MCC: variants seen among roughly 807,000 people sequenced by gnomAD.
The protein encoded by MCC is colorectal mutant cancer protein.
Under a neutral mutation model 116.2 loss-of-function variants are expected in MCC, and 90 were observed. The observed-to-expected ratio is 0.77, with a 90% CI of 0.65 to 0.92. MCC has a LOEUF of 0.92. Ranked by LOEUF, MCC falls within the 40% of genes least tolerant of loss-of-function variation. The pLI, the probability that MCC is intolerant of heterozygous loss-of-function variation, is 0.00. For synonymous variants in MCC, 578 were observed against 510.5 expected (o/e 1.13, Z -1.78); for missense variants, 1,516 against 1,312.2 (o/e 1.16, Z -2.40).
chr5:113,098,797 C>G (rs1471855820), intron 8 of MCC, among the ~76,000 whole-genome samples: 1 of 151,790 alleles, frequency 6.6e-6, no homozygotes, highest in Non-Finnish European at 1.5e-5. Context: ...TGAATGTGGG[C>G]AAAGAAAAAA....
chr5:113,175,626 G>A (rs1016552790), intron 3 of MCC, among the ~76,000 whole-genome samples: 9 of 152,028 alleles, frequency 5.9e-5, no homozygotes, highest in African/African-American at 2.2e-4. Flanking sequence ...AGCCTTGTTT[G>A]ACTTTCTCAG....
chr5:113,388,997 CA>C (rs1015486406), intron 1 of MCC, among the ~76,000 whole-genome samples: 1 of 152,114 alleles, frequency 6.6e-6, no homozygotes, highest in Non-Finnish European at 1.5e-5. Context: ...GCTTGATTAT[CA>C]AAGGTCATGA....
chr5:113,151,234 CT>C, intron 4 of MCC, 74 bp downstream of exon 4: 1 of 859,614 alleles, frequency 1.2e-6, no homozygotes, highest in South Asian at 1.7e-5. Context: ...AATTTCTGTA[CT>C]CATGTTTTAT....
intron 1 of MCC, among the ~76,000 whole-genome samples, chr5:113,484,962 C>T (rs1772476504): frequency 6.6e-6 from 1 of 152,172 alleles, no homozygotes; most frequent in Non-Finnish European, 1.5e-5. Context: ...TGCCCAAATC[C>T]AGCGGGGTCC....
In MCC at chr5:113,064,167, C is replaced by CCTATGTGG; in HGVS notation, c.2030-8_2030-1dup (p.Gly677AlafsTer3). ...GATGTTTTCATCCCCCGACTGGTCTCCTATGTGGCAGAGAAGCCAACGGAT... is the reference window on the plus strand; with the variant it reads ...GATGTTTTCATCCCCCGACTGGTCTCCTATGTGGCTATGTGGCAGAGAAGCCAACGGAT... On this transcript the variant is annotated stop_gained and frameshift_variant and splice_region_variant. Transcript: ENST00000408903. LOFTEE classifies it high-confidence loss of function. 6.2e-7 allele frequency: 1 copy of CCTATGTGG among 1,606,454 alleles called. No homozygotes were observed. Among genetic ancestry groups the CCTATGTGG allele is most frequent in the South Asian group, 1.1e-5 (1 of 90,156 alleles).
intron 1 of MCC, among the ~76,000 whole-genome samples, chr5:113,460,680 A>G (rs1045747143): frequency 3.3e-5 from 5 of 152,204 alleles, no homozygotes; most frequent in Non-Finnish European, 7.3e-5. Flanking sequence ...CATCATATTG[A>G]AGACCTGGCT....
At chr5:113,430,447 C>T (rs1191528589) in intron 1 of MCC, among the ~76,000 whole-genome samples, 2 of 152,164 alleles carry the variant, frequency 1.3e-5, no homozygotes, top group African/African-American at 4.8e-5. Context: ...CCTCTATTCT[C>T]TCTGCAACAA....
chr5:113,108,850 C>A (rs897269122), intron 6 of MCC, among the ~76,000 whole-genome samples: 2 of 152,098 alleles, frequency 1.3e-5, no homozygotes, highest in African/African-American at 4.8e-5. Flanking sequence ...GGTGATGAAC[C>A]CCACAAACTC....
At chr5:113,360,128 C>T (rs1323249272) in intron 2 of MCC, among the ~76,000 whole-genome samples, 1 of 151,974 alleles carries the variant, frequency 6.6e-6, no homozygotes, top group South Asian at 2.1e-4. Context: ...CATTGTCATA[C>T]CTCTTGGCTG....
At chr5:113,053,403 T>C (rs1752611501) in intron 15 of MCC, among the ~76,000 whole-genome samples, 1 of 152,152 alleles carries the variant, frequency 6.6e-6, no homozygotes, top group Non-Finnish European at 1.5e-5. Context: ...TTTCCAAGCA[T>C]TCTTGAGATT....
chr5:113,196,838 C>A (rs973109772), intron 3 of MCC, among the ~76,000 whole-genome samples: 1 of 152,120 alleles, frequency 6.6e-6, no homozygotes, highest in South Asian at 2.1e-4. Flanking sequence ...GACTCTATCT[C>A]AAAAATCAAT....
At chr5:113,186,726 G>A (rs987602037) in intron 3 of MCC, among the ~76,000 whole-genome samples, 3 of 151,984 alleles carry the variant, frequency 2.0e-5, no homozygotes, top group Non-Finnish European at 1.5e-5. Context: ...TCAAGCCTAT[G>A]TACCTTTTCA....
At chr5:113,081,491 G>A (rs1037034648) in intron 11 of MCC, among the ~76,000 whole-genome samples, 5 of 152,118 alleles carry the variant, frequency 3.3e-5, no homozygotes, top group East Asian at 1.9e-4. Context: ...TGTATATAAC[G>A]GAGTAGAAAG....
At chr5:113,420,744 A>G (rs1196942934) in intron 1 of MCC, among the ~76,000 whole-genome samples, 1 of 152,156 alleles carries the variant, frequency 6.6e-6, no homozygotes, top group African/African-American at 2.4e-5. Flanking sequence ...TAAGCCTATT[A>G]ACCCAGTTTT....
intron 4 of MCC, among the ~76,000 whole-genome samples, chr5:113,150,198 A>T (rs1272038835): frequency 6.6e-6 from 1 of 152,348 alleles, no homozygotes; most frequent in East Asian, 1.9e-4. Flanking sequence ...AGACAGTGAC[A>T]GAAAGCAGGC....
intron 3 of MCC, among the ~76,000 whole-genome samples, chr5:113,268,908 A>G (rs1219765136): frequency 3.3e-5 from 5 of 152,214 alleles, no homozygotes; most frequent in Non-Finnish European, 7.3e-5. Flanking sequence ...TTAGTGCAGG[A>G]CACACGACAG....
chr5:113,298,740 G>A (rs1011987693), intron 3 of MCC, among the ~76,000 whole-genome samples: 4 of 152,162 alleles, frequency 2.6e-5, no homozygotes, highest in African/African-American at 9.7e-5. Flanking sequence ...ACAAGAGAAC[G>A]AGAGAGTGTA....
At chr5:113,074,124 C>T (rs775775353) in intron 11 of MCC, among the ~76,000 whole-genome samples, 5 of 152,220 alleles carry the variant, frequency 3.3e-5, no homozygotes, top group Non-Finnish European at 5.9e-5. Context: ...CTGGGAGACA[C>T]CTCCCAGTAG....
At chr5:113,048,835 GA>G in intron 16 of MCC, 1 of 567,382 alleles carries the variant, frequency 1.8e-6, no homozygotes, top group Non-Finnish European at 3.1e-6. Context: ...GACAACTGCA[GA>G]GATCACCCCT....
Sources: allele counts gnomAD v4.1 joint callset (sites outside exome capture counted in the v4.1 genomes callset), GRCh38; gene constraint gnomAD v4.1.1; transcripts MANE v1.5; gene names NCBI Gene and HGNC (gene_info 2026-07-23, HGNC 2026-07-21).